The following HECW1 variants were observed in gnomAD, a reference collection of about 807,000 sequenced individuals.
HECW1 encodes HECT, C2 and WW domain containing E3 ubiquitin protein ligase 1.
A neutral mutation model predicts 182.3 loss-of-function variants in HECW1; 61 were observed. The observed-to-expected ratio is 0.33, with a 90% CI of 0.27 to 0.41. HECW1 has a LOEUF of 0.41. HECW1 is among the 10% of genes least tolerant of loss of function. The pLI, the probability that HECW1 is intolerant of heterozygous loss-of-function variation, is 1.00. For missense variants in HECW1, 1,739 were observed against 2,108.9 expected, an observed-to-expected ratio of 0.82 and a Z score of 3.44; for synonymous variants, 859 against 832.6, an observed-to-expected ratio of 1.03 and a Z score of -0.55.
intron 3 of HECW1, among the ~76,000 whole-genome samples, chr7:43,256,303 T>C (rs1157041121): frequency 1.3e-5 from 2 of 152,060 alleles, no homozygotes; most frequent in Non-Finnish European, 2.9e-5. Context: ...TCAAGCCAAG[T>C]AAAAACATAG....
intron 5 of HECW1, among the ~76,000 whole-genome samples, chr7:43,322,139 G>A (rs368720880): frequency 6.6e-6 from 1 of 152,100 alleles, no homozygotes; most frequent in Non-Finnish European, 1.5e-5. Context: ...GCACAATCTC[G>A]GCTCACTGCA....
At chr7:43,308,722 AG>A (rs1346769489) in intron 3 of HECW1, among the ~76,000 whole-genome samples, 1 of 151,476 alleles carries the variant, frequency 6.6e-6, no homozygotes, top group Non-Finnish European at 1.5e-5. Flanking sequence ...CCTGGGTTCC[AG>A]CAATTCTCCT....
intron 27 of HECW1, among the ~76,000 whole-genome samples, 190 bp from the exon 28 acceptor site, chr7:43,552,032 A>C (rs982568698): frequency 2.0e-5 from 3 of 152,234 alleles, no homozygotes; most frequent in Non-Finnish European, 4.4e-5. Flanking sequence ...TCAACATATG[A>C]ATTTGGGGAA....
At chr7:43,318,398 C>A (rs1809610289) in intron 4 of HECW1, among the ~76,000 whole-genome samples, 1 of 152,228 alleles carries the variant, frequency 6.6e-6, no homozygotes, top group African/African-American at 2.4e-5. Flanking sequence ...TGAGCACACA[C>A]TGTGAATAAA....
chr7:43,346,709 A>G (rs1397132709), intron 5 of HECW1, among the ~76,000 whole-genome samples: 1 of 152,038 alleles, frequency 6.6e-6, no homozygotes, highest in Non-Finnish European at 1.5e-5. Flanking sequence ...CTCCTACATG[A>G]GGCTAGCCAA....
In HECW1 at chr7:43,311,717, T is replaced by G. The variant is rs376987922; in HGVS notation, c.28-46T>G. 1.9e-6 allele frequency: 3 copies of G among 1,568,624 alleles called. No individual in the cohort carries two copies. The African/African-American group carries it at 4.1e-5, about 21-fold the overall frequency. The stretch of plus-strand genomic sequence containing the variant: ...TTTTCGTGTGATGACGGTGACTGAG[T>G]TGCCGGCGTGCCCTGACCCTGCTCA... On this transcript the variant is annotated intron_variant, in intron 3 of 29. Transcript: ENST00000395891.
chr7:43,139,841 G>A (rs1233178061), intron 2 of HECW1, among the ~76,000 whole-genome samples: 1 of 152,104 alleles, frequency 6.6e-6, no homozygotes, highest in Non-Finnish European at 1.5e-5. Context: ...AGATTATGTG[G>A]TTTTGACTAC....
intron 3 of HECW1, among the ~76,000 whole-genome samples, chr7:43,304,888 T>C (rs1269505932): frequency 6.6e-6 from 1 of 152,224 alleles, no homozygotes; most frequent in African/African-American, 2.4e-5. Flanking sequence ...GGCTGCTGTC[T>C]TGGTGCCTGC....
At chr7:43,288,015 C>T (rs1175609170) in intron 3 of HECW1, among the ~76,000 whole-genome samples, 4 of 152,126 alleles carry the variant, frequency 2.6e-5, no homozygotes, top group African/African-American at 9.7e-5. Flanking sequence ...ATTAGATATC[C>T]ATGTAGACAG....
chr7:43,277,623 G>A (rs566837888), intron 3 of HECW1, among the ~76,000 whole-genome samples: 9 of 152,186 alleles, frequency 5.9e-5, no homozygotes, highest in South Asian at 2.1e-4. Flanking sequence ...GACCATTTCC[G>A]TAGGCATCCA....
At chr7:43,408,076 C>T (rs2075671755) in intron 8 of HECW1, among the ~76,000 whole-genome samples, 1 of 152,140 alleles carries the variant, frequency 6.6e-6, no homozygotes, top group South Asian at 2.1e-4. Flanking sequence ...CAGCTCTTCC[C>T]ATGCATGTGA....
Position 43,221,537 on chromosome 7 carries a change from G to GTTTTTTTTTT in HECW1, c.-31-22305_-31-22296dup, listed in dbSNP as rs71008897. ...CTAAACTAAATGTCAGAGGAATTAG[G>GTTTTTTTTTT]TTTTTTTTTTTTTTTTTTTTTTTTT... On this transcript the variant is annotated intron_variant, in intron 2 of 29. Transcript: ENST00000395891. 1.0e-3 allele frequency among the ~76,000 whole-genome samples: 51 copies of GTTTTTTTTTT among 50,532 alleles called. 17 individuals are homozygous for GTTTTTTTTTT. Among genetic ancestry groups the GTTTTTTTTTT allele is most frequent in the Non-Finnish European group, 1.5e-3 (43 of 29,154 alleles). 33.2% of individuals were successfully genotyped at this position (50,532 alleles called of 152,430 possible).
chr7:43,158,078 A>G (rs556113045), intron 2 of HECW1, among the ~76,000 whole-genome samples: 3 of 152,324 alleles, frequency 2.0e-5, no homozygotes, highest in Admixed American at 6.5e-5. Context: ...ATTGATTGAG[A>G]TAATTCAGGA....
chr7:43,378,641 C>CT (rs1167437290), intron 6 of HECW1, among the ~76,000 whole-genome samples: 1 of 152,054 alleles, frequency 6.6e-6, no homozygotes, highest in African/African-American at 2.4e-5. Flanking sequence ...CCCATTTCTA[C>CT]TAAAAATACA....
intron 24 of HECW1, chr7:43,511,557 T>C (rs1171128355): frequency 6.6e-6 from 1 of 152,268 alleles, no homozygotes; most frequent in Non-Finnish European, 1.5e-5. Flanking sequence ...TCCAAATTTC[T>C]GAGCAAGGGA....
chr7:43,281,739 T>A (rs1189578244), intron 3 of HECW1, among the ~76,000 whole-genome samples: 1 of 125,022 alleles, frequency 8.0e-6, no homozygotes, highest in Non-Finnish European at 1.7e-5. Context: ...TTTTTTTTTT[T>A]AGAGAGACAA....
At chr7:43,132,456 A>T (rs773132506) in intron 2 of HECW1, among the ~76,000 whole-genome samples, 2 of 152,166 alleles carry the variant, frequency 1.3e-5, no homozygotes, top group African/African-American at 2.4e-5. Flanking sequence ...GCAAAATGGT[A>T]ACTTTACAAT....
At chr7:43,298,696 CT>C (rs1806342220) in intron 3 of HECW1, among the ~76,000 whole-genome samples, 1 of 152,200 alleles carries the variant, frequency 6.6e-6, no homozygotes, top group Non-Finnish European at 1.5e-5. Context: ...CATTGTCTCA[CT>C]TTCCTTTTAA....
chr7:43,407,531 T>C (rs766802292), intron 7 of HECW1, 31 bp from the exon 8 acceptor site: 1 of 1,556,798 alleles, frequency 6.4e-7, no homozygotes. Context: ...CCCTAAAACA[T>C]ATTTAAATTA....
Sources: allele counts gnomAD v4.1 joint callset (sites outside exome capture counted in the v4.1 genomes callset), GRCh38; gene constraint gnomAD v4.1.1; transcripts MANE v1.5; gene names NCBI Gene and HGNC (gene_info 2026-07-23, HGNC 2026-07-21).